TENM1: variants seen among roughly 807,000 people sequenced by gnomAD.
TENM1 encodes the protein teneurin-1.
Under a neutral mutation model 174.8 loss-of-function variants are expected in TENM1, and 35 were observed. The observed-to-expected ratio is 0.20, with a 90% confidence interval of 0.15 to 0.27. The LOEUF (loss-of-function observed/expected upper bound fraction) is 0.27. Among genes scored for constraint, TENM1 ranks in the 10% least tolerant of loss-of-function variants. The pLI is 1.00. For synonymous variants in TENM1, 781 were observed against 798.7 expected (o/e 0.98, Z 0.37); for missense variants, 1,633 against 2,130.1 (o/e 0.77, Z 4.59).
chrX:125,055,688 A>G, the TENM1 span, among the ~76,000 whole-genome samples: 1 of 112,051 alleles, frequency 8.9e-6, no homozygotes, highest in Non-Finnish European at 1.9e-5. Flanking sequence ...GGAACAGACC[A>G]GTGCCGAGGA....
At chrX:124,778,241 T>C (rs915637865) in intron 3 of TENM1, among the ~76,000 whole-genome samples, 1 of 112,572 alleles carries the variant, frequency 8.9e-6, no homozygotes, top group African/African-American at 3.2e-5. Flanking sequence ...CCCCGGGAAG[T>C]TTGCGTTGTT....
intron 14 of TENM1, among the ~76,000 whole-genome samples, chrX:124,553,166 T>A (rs1198354715): frequency 9.0e-6 from 1 of 111,087 alleles, no homozygotes; most frequent in African/African-American, 3.3e-5. Flanking sequence ...AATGCACAAT[T>A]AAATTATTGA....
At chrX:124,654,047 C>T (rs1245809136) in intron 6 of TENM1, among the ~76,000 whole-genome samples, 1 of 111,786 alleles carries the variant, frequency 8.9e-6, no homozygotes, top group Admixed American at 9.5e-5. Context: ...CCATTATTTA[C>T]TGAGTGCTGT....
chrX:125,152,421 A>G, the TENM1 span, among the ~76,000 whole-genome samples: 28 of 112,015 alleles, frequency 2.5e-4, no homozygotes, highest in African/African-American at 9.1e-4. Context: ...AAACGAAAAG[A>G]TATGAATTAT....
intron 22 of TENM1, among the ~76,000 whole-genome samples, chrX:124,471,453 T>TA (rs2061326812): frequency 7.4e-5 from 3 of 40,413 alleles, no homozygotes; most frequent in South Asian, 4.0e-3. Flanking sequence ...TAGTACTATA[T>TA]ATAATACTAT....
intron 18 of TENM1, among the ~76,000 whole-genome samples, chrX:124,517,015 G>A (rs764393315): frequency 1.8e-5 from 2 of 111,534 alleles, no homozygotes; most frequent in Admixed American, 9.5e-5. Flanking sequence ...GGATGGAGCT[G>A]GAGGTTATTA....
chrX:124,552,375 T>A (rs2048592759), intron 14 of TENM1, among the ~76,000 whole-genome samples: 1 of 111,390 alleles, frequency 9.0e-6, no homozygotes, highest in African/African-American at 3.3e-5. Flanking sequence ...TAGGACTGTA[T>A]TTCCTCTGGA....
chrX:125,052,727 C>G, the TENM1 span, among the ~76,000 whole-genome samples: 3 of 112,024 alleles, frequency 2.7e-5, no homozygotes, highest in Non-Finnish European at 5.6e-5. Context: ...TCAAATAAAA[C>G]AGATCATACA....
the TENM1 span, among the ~76,000 whole-genome samples, chrX:125,134,178 G>A: frequency 8.9e-6 from 1 of 112,052 alleles, no homozygotes; most frequent in Non-Finnish European, 1.9e-5. Context: ...AGAGCTCACT[G>A]TAGTGTATCA....
chrX:124,767,147 G>A (rs1239981219), intron 3 of TENM1, among the ~76,000 whole-genome samples: 1 of 111,333 alleles, frequency 9.0e-6, no homozygotes, highest in South Asian at 3.8e-4. Flanking sequence ...TATTATACAT[G>A]CTTCCTTTGC....
the TENM1 span, among the ~76,000 whole-genome samples, chrX:124,995,583 T>C: frequency 9.0e-6 from 1 of 111,476 alleles, no homozygotes; most frequent in East Asian, 2.8e-4. Flanking sequence ...CCCTAACTTC[T>C]GCCAGATGCT....
intron 4 of TENM1, among the ~76,000 whole-genome samples, chrX:124,710,849 G>A (rs1412275438): frequency 8.9e-6 from 1 of 111,977 alleles, no homozygotes; most frequent in Non-Finnish European, 1.9e-5. Flanking sequence ...TTTTGTCATA[G>A]GCTTTGCAGT....
chrX:124,964,681 T>C (rs2058703355), upstream of TENM1, among the ~76,000 whole-genome samples: 1 of 111,970 alleles, frequency 8.9e-6, no homozygotes, highest in South Asian at 3.8e-4. Flanking sequence ...TCATCTGAGA[T>C]GTCAAAGTCC....
chrX:124,861,164 T>C (rs184552522), intron 3 of TENM1, among the ~76,000 whole-genome samples: 3 of 112,312 alleles, frequency 2.7e-5, no homozygotes, highest in African/African-American at 9.7e-5. Flanking sequence ...AAATAATTTA[T>C]GTATTGAGGG....
chrX:124,865,786 CAT>C (rs1348788275), intron 3 of TENM1, among the ~76,000 whole-genome samples: 2 of 110,971 alleles, frequency 1.8e-5, no homozygotes, highest in Non-Finnish European at 3.8e-5. Flanking sequence ...GTAAAGCACA[CAT>C]AGACTGAAAA....
chrX:124,482,601 A>G (rs2046869336), intron 21 of TENM1, among the ~76,000 whole-genome samples: 1 of 111,845 alleles, frequency 8.9e-6, no homozygotes, highest in East Asian at 2.8e-4. Flanking sequence ...GGAACTGGTT[A>G]TATTTAACCT....
intron 1 of TENM1, among the ~76,000 whole-genome samples, chrX:124,918,135 T>C (rs1430831220): frequency 9.0e-6 from 1 of 111,497 alleles, no homozygotes; most frequent in Non-Finnish European, 1.9e-5. Context: ...CAGGAATTGA[T>C]ATTTGCAAGT....
intron 18 of TENM1, among the ~76,000 whole-genome samples, chrX:124,505,625 G>A (rs921146086): frequency 9.0e-6 from 1 of 111,574 alleles, no homozygotes; most frequent in African/African-American, 3.3e-5. Flanking sequence ...TCTGGAGTTG[G>A]GCTTTTCACT....
At chrX:124,664,928 G>A (rs2051714369) in intron 6 of TENM1, among the ~76,000 whole-genome samples, 1 of 111,475 alleles carries the variant, frequency 9.0e-6, no homozygotes, top group Non-Finnish European at 1.9e-5. Flanking sequence ...AAGGAAGGGT[G>A]CTAACAGTAA....
Sources: gnomAD v4.1 joint callset for allele counts (sites outside exome capture counted in the v4.1 genomes callset) on GRCh38, gnomAD v4.1.1 for gene constraint, MANE v1.5 for transcripts, NCBI Gene and HGNC (gene_info 2026-07-23, HGNC 2026-07-21) for gene names.